Variants in SGCZ observed in about 807,000 individuals in gnomAD.
The protein encoded by SGCZ is zeta-sarcoglycan.
A neutral mutation model predicts 41.3 loss-of-function variants in SGCZ; 40 were observed. The observed-to-expected ratio is 0.97, with a 90% CI of 0.75 to 1.26. The LOEUF (loss-of-function observed/expected upper bound fraction) is 1.26. SGCZ is among the 50% of genes most tolerant of loss of function. SGCZ has a pLI of 0.00. For missense variants in SGCZ, 552 were observed against 369.8 expected, an observed-to-expected ratio of 1.49 and a Z score of -4.04; for synonymous variants, 206 against 137.5, an observed-to-expected ratio of 1.50 and a Z score of -3.49.
intron 1 of SGCZ, among the ~76,000 whole-genome samples, chr8:14,670,178 T>A (rs189139439): frequency 1.3e-3 from 203 of 152,268 alleles, no homozygotes; most frequent in African/African-American, 4.6e-3. Flanking sequence ...CATTCCAGGT[T>A]TTAAAATTAG....
chr8:14,392,713 T>C (rs1804819095), intron 2 of SGCZ, among the ~76,000 whole-genome samples: 1 of 152,184 alleles, frequency 6.6e-6, no homozygotes, highest in African/African-American at 2.4e-5. Context: ...ATTTTTGGAC[T>C]TAGCAAATTA....
intron 2 of SGCZ, among the ~76,000 whole-genome samples, chr8:14,463,210 A>C (rs187698755): frequency 6.6e-6 from 1 of 151,420 alleles, no homozygotes; most frequent in East Asian, 1.9e-4. Flanking sequence ...TATTATGTTG[A>C]ATAATATTAG....
chr8:14,362,338 C>T (rs1028144323), intron 2 of SGCZ, among the ~76,000 whole-genome samples: 6 of 152,298 alleles, frequency 3.9e-5, no homozygotes, highest in African/African-American at 9.6e-5. Flanking sequence ...CTGCCCAGTT[C>T]GAGCTTTCCT....
At chr8:14,676,752 T>TA (rs1255106956) in intron 1 of SGCZ, among the ~76,000 whole-genome samples, 1 of 152,138 alleles carries the variant, frequency 6.6e-6, no homozygotes, top group African/African-American at 2.4e-5. Flanking sequence ...AAGAATCTGA[T>TA]AAAATCCAAC....
chr8:15,081,896 G>A (rs567558508), intron 1 of SGCZ, among the ~76,000 whole-genome samples: 19 of 152,282 alleles, frequency 1.2e-4, no homozygotes, highest in Non-Finnish European at 2.2e-4. Flanking sequence ...AAAGTTGAAC[G>A]AGGAAAAAAG....
chr8:15,168,816 C>G (rs1410477443), intron 1 of SGCZ, among the ~76,000 whole-genome samples: 1 of 152,190 alleles, frequency 6.6e-6, no homozygotes, highest in African/African-American at 2.4e-5. Context: ...TCAGATGCAT[C>G]CTCCAAACTG....
chr8:14,864,033 G>C (rs1030909963), intron 1 of SGCZ, among the ~76,000 whole-genome samples: 4 of 152,066 alleles, frequency 2.6e-5, no homozygotes, highest in African/African-American at 9.7e-5. Context: ...CCTTCTCTTT[G>C]ACCTCACCAA....
intron 5 of SGCZ, among the ~76,000 whole-genome samples, chr8:14,160,555 A>G (rs11987917): frequency 0.048 from 7,286 of 152,296 alleles, 559 homozygotes; most frequent in African/African-American, 0.17. Context: ...CAGAGAGGAC[A>G]TGTTAAGGTC....
chr8:14,587,853 G>T (rs1645782806), intron 1 of SGCZ, among the ~76,000 whole-genome samples: 1 of 151,742 alleles, frequency 6.6e-6, no homozygotes, highest in East Asian at 1.9e-4. Context: ...TTGCTATTTG[G>T]GTTTACCAAA....
intron 3 of SGCZ, among the ~76,000 whole-genome samples, chr8:14,245,368 G>C (rs1307616365): frequency 6.6e-6 from 1 of 152,134 alleles, no homozygotes; most frequent in Non-Finnish European, 1.5e-5. Context: ...TTAATAAATG[G>C]TGCTGGGAAA....
intron 1 of SGCZ, among the ~76,000 whole-genome samples, chr8:14,956,032 A>G (rs1219749223): frequency 8.0e-6 from 1 of 124,246 alleles, no homozygotes; most frequent in Non-Finnish European, 1.6e-5. Flanking sequence ...GTAGGACACT[A>G]CTTTTACTTT....
intron 1 of SGCZ, among the ~76,000 whole-genome samples, chr8:14,948,455 C>G (rs1425583472): frequency 1.3e-5 from 2 of 150,150 alleles, no homozygotes; most frequent in Non-Finnish European, 3.0e-5. Flanking sequence ...TCCTCACACT[C>G]ATCTGTCTTA....
intron 2 of SGCZ, among the ~76,000 whole-genome samples, chr8:14,458,974 T>C (rs530357286): frequency 9.2e-5 from 14 of 152,266 alleles, no homozygotes; most frequent in Non-Finnish European, 1.5e-4. Flanking sequence ...CAAAAGGACA[T>C]AGTGGCCAAC....
intron 1 of SGCZ, among the ~76,000 whole-genome samples, chr8:15,177,413 G>T (rs1432001994): frequency 6.6e-6 from 1 of 152,240 alleles, no homozygotes; most frequent in South Asian, 2.1e-4. Context: ...ATATGGCATG[G>T]CCAAGTATTC....
intron 3 of SGCZ, among the ~76,000 whole-genome samples, chr8:14,251,908 C>T (rs1445148381): frequency 3.3e-5 from 5 of 152,076 alleles, no homozygotes; most frequent in Non-Finnish European, 5.9e-5. Flanking sequence ...CGGGGTTTTG[C>T]AATGTTGGCC....
chr8:15,118,637 T>A lies in SGCZ; in HGVS notation c.39+118948A>T, dbSNP rs60304699. Among the ~76,000 whole-genome samples the A allele has an allele frequency of 7.9e-3, 1,206 of 152,134 alleles. 16 individuals are homozygous for A. The highest frequency in any genetic ancestry group is 0.026 in the African/African-American group (1,072 of 41,494). On this transcript the variant is annotated intron_variant, in intron 1 of 7. Coordinates refer to ENST00000382080, the MANE Select transcript of SGCZ (RefSeq NM_139167.4). ...TCTTTTCAATAATGAAGTTAATAGGTCAATCAAAAATAAGGTTGAGACCCT... is the reference window on the plus strand; with the variant it reads ...TCTTTTCAATAATGAAGTTAATAGGACAATCAAAAATAAGGTTGAGACCCT...
chr8:14,289,471 C>G (rs9643917), intron 3 of SGCZ, among the ~76,000 whole-genome samples: 141,796 of 152,118 alleles, frequency 0.93, 66,818 homozygotes, highest in East Asian at 1. Flanking sequence ...ATGGTCAAAA[C>G]TCATTTTACA....
intron 3 of SGCZ, among the ~76,000 whole-genome samples, chr8:14,290,577 G>GA (rs779011076): frequency 2.0e-5 from 3 of 151,822 alleles, no homozygotes; most frequent in South Asian, 2.1e-4. Flanking sequence ...CAACAAATAT[G>GA]AAAAAAATGC....
chr8:15,044,086 T>C (rs553286703), intron 1 of SGCZ, among the ~76,000 whole-genome samples: 2 of 152,292 alleles, frequency 1.3e-5, no homozygotes, highest in South Asian at 4.1e-4. Flanking sequence ...TGCATATTAT[T>C]TAGATGTTGA....
Sources: allele counts gnomAD v4.1 joint callset (sites outside exome capture counted in the v4.1 genomes callset), GRCh38; gene constraint gnomAD v4.1.1; transcripts MANE v1.5; gene names NCBI Gene and HGNC (gene_info 2026-07-23, HGNC 2026-07-21).